The following R3HDM1 variants were observed in gnomAD, a reference collection of about 807,000 sequenced individuals.
R3HDM1 encodes the protein R3H domain containing 1.
A neutral mutation model predicts 141.1 loss-of-function variants in R3HDM1; 46 were observed. That is an observed-to-expected ratio of 0.33 (90% CI 0.26 to 0.42). The LOEUF is 0.42. Ranked by LOEUF, R3HDM1 falls within the 10% of genes least tolerant of loss-of-function variation. R3HDM1 has a pLI of 1.00. For missense variants in R3HDM1, 1,184 were observed against 1,368.3 expected, an observed-to-expected ratio of 0.87 and a Z score of 2.12; for synonymous variants, 435 against 472.9, an observed-to-expected ratio of 0.92 and a Z score of 1.04.
At chr2:135,573,769 A>G (rs1045839747) in intron 1 of R3HDM1, among the ~76,000 whole-genome samples, 9 of 152,210 alleles carry the variant, frequency 5.9e-5, no homozygotes, top group South Asian at 2.1e-4. Flanking sequence ...TACAGGATTC[A>G]TAGCCAACTG....
intron 21 of R3HDM1, among the ~76,000 whole-genome samples, chr2:135,702,396 C>T (rs1337014795): frequency 1.3e-5 from 2 of 151,900 alleles, no homozygotes; most frequent in African/African-American, 4.8e-5. Context: ...TGTGGTGGCT[C>T]ACACCTGTAA....
At chr2:135,680,401 T>C in intron 21 of R3HDM1, 77 bp downstream of exon 21, 1 of 1,494,122 alleles carries the variant, frequency 6.7e-7, no homozygotes, top group Non-Finnish European at 9.2e-7. Context: ...AGTTTTAAAG[T>C]TGACTAAGGG....
At chr2:135,620,168 G>T (rs2061406665) in intron 5 of R3HDM1, 1 of 370,508 alleles carries the variant, frequency 2.7e-6, no homozygotes. Flanking sequence ...GTGCCTTTTA[G>T]TGAAGATCTA....
At chr2:135,565,491 T>A (rs937470628) in intron 1 of R3HDM1, among the ~76,000 whole-genome samples, 3 of 151,670 alleles carry the variant, frequency 2.0e-5, no homozygotes, top group Admixed American at 2.0e-4. Context: ...TGCATCTAGT[T>A]CAAAAATGCT....
At chr2:135,537,845 T>C (rs553113929) in intron 1 of R3HDM1, among the ~76,000 whole-genome samples, 1 of 152,040 alleles carries the variant, frequency 6.6e-6, no homozygotes, top group East Asian at 1.9e-4. Flanking sequence ...AAAACGTTCT[T>C]GGGAAAGATG....
At chr2:135,614,090 A>G (rs1408890265) in intron 3 of R3HDM1, among the ~76,000 whole-genome samples, 1 of 152,242 alleles carries the variant, frequency 6.6e-6, no homozygotes, top group Non-Finnish European at 1.5e-5. Context: ...AGTGCCTAGC[A>G]CAGTACCTGG....
At chr2:135,716,931 G>A (rs1004864510) in intron 24 of R3HDM1, among the ~76,000 whole-genome samples, 13 of 148,998 alleles carry the variant, frequency 8.7e-5, no homozygotes, top group African/African-American at 3.0e-4. Flanking sequence ...CAGCCTGGGC[G>A]ACAGAGAGAG....
intron 1 of R3HDM1, among the ~76,000 whole-genome samples, chr2:135,580,557 AT>A (rs1301594839): frequency 1.3e-5 from 2 of 152,046 alleles, no homozygotes; most frequent in African/African-American, 4.8e-5. Flanking sequence ...CATCCATTTG[AT>A]TGGCATCAGC....
At chr2:135,549,535 T>C (rs1218630844) in intron 1 of R3HDM1, among the ~76,000 whole-genome samples, 5 of 126,300 alleles carry the variant, frequency 4.0e-5, no homozygotes, top group Non-Finnish European at 7.8e-5. Context: ...CACTCCAGCC[T>C]GGGTGACAAG....
At chr2:135,610,769 A>G (rs1293969375) in intron 3 of R3HDM1, among the ~76,000 whole-genome samples, 1 of 152,200 alleles carries the variant, frequency 6.6e-6, no homozygotes, top group Non-Finnish European at 1.5e-5. Context: ...TTTATATAAA[A>G]TCATTCAAAT....
At chr2:135,600,435 T>C (rs1029448860) in intron 1 of R3HDM1, among the ~76,000 whole-genome samples, 8 of 152,154 alleles carry the variant, frequency 5.3e-5, no homozygotes, top group Admixed American at 4.6e-4. Flanking sequence ...AGAAGACAGC[T>C]AACATTTTTG....
chr2:135,581,188 T>C, intron 1 of R3HDM1: 2 of 985,262 alleles, frequency 2.0e-6, no homozygotes, highest in Non-Finnish European at 2.4e-6. Context: ...AATGGTTGCC[T>C]ATATTAAGGT....
intron 9 of R3HDM1, 23 bp from the exon 10 acceptor site, chr2:135,635,867 T>G: frequency 1.3e-6 from 2 of 1,563,942 alleles, no homozygotes; most frequent in East Asian, 4.5e-5. Flanking sequence ...CCTGTTCCTT[T>G]GTTTTTGTTT....
chr2:135,551,767 G>A (rs1699892388), intron 1 of R3HDM1, among the ~76,000 whole-genome samples: 2 of 152,096 alleles, frequency 1.3e-5, no homozygotes. Context: ...TTTCTTTCTA[G>A]TTCTATAGCT....
chr2:135,653,561 G>A (rs754980308), intron 18 of R3HDM1, among the ~76,000 whole-genome samples: 1 of 151,978 alleles, frequency 6.6e-6, no homozygotes. Context: ...TTTCTCTTTT[G>A]AGAGGATTTT....
At chr2:135,684,979 G>T (rs946481472) in intron 21 of R3HDM1, among the ~76,000 whole-genome samples, 1 of 152,022 alleles carries the variant, frequency 6.6e-6, no homozygotes, top group Non-Finnish European at 1.5e-5. Flanking sequence ...GCCCAAGCTG[G>T]TCTCGAACTC....
At chr2:135,671,702 G>A (rs1240678790) in intron 19 of R3HDM1, among the ~76,000 whole-genome samples, 1 of 151,886 alleles carries the variant, frequency 6.6e-6, no homozygotes, top group African/African-American at 2.4e-5. Flanking sequence ...CAGGTTGGGC[G>A]CCATGGCTCA....
rs1559465262 is a variant in R3HDM1, at chr2:135,699,012, TAGA to T, written c.2460-10420_2460-10418del. 1.3e-4 allele frequency among the ~76,000 whole-genome samples: 15 copies of T among 115,280 alleles called. 1 individual carries two copies. The highest frequency in any genetic ancestry group is 4.9e-4 in the Admixed American group (6 of 12,164). The allele number at this position is 115,280 out of a possible 152,430, so 75.6% of individuals were successfully genotyped here. ...ATAGATAGATAGATAGATAGATAGATAGATAGATAGATAGATAGATAGATAGAT... is the reference window on the plus strand; with the variant it reads ...ATAGATAGATAGATAGATAGATAGATTAGATAGATAGATAGATAGATAGAT... On this transcript the variant is annotated intron_variant, in intron 21 of 26. Transcript: ENST00000683871.
chr2:135,680,773 A>G (rs980437627), intron 21 of R3HDM1, among the ~76,000 whole-genome samples: 1 of 152,080 alleles, frequency 6.6e-6, no homozygotes, highest in African/African-American at 2.4e-5. Context: ...TCTGTCTCCA[A>G]AAAAATATAT....
Sources: allele counts gnomAD v4.1 joint callset (sites outside exome capture counted in the v4.1 genomes callset), GRCh38; gene constraint gnomAD v4.1.1; transcripts MANE v1.5; gene names NCBI Gene and HGNC (gene_info 2026-07-23, HGNC 2026-07-21).